EPHA6: variants seen among roughly 807,000 people sequenced by gnomAD.
The protein encoded by EPHA6 is ephrin type-A receptor 6.
In EPHA6, 50 loss-of-function variants were observed where a neutral mutation model predicts 112.0. That is an observed-to-expected ratio of 0.45 (90% CI 0.36 to 0.56). The LOEUF is 0.56. EPHA6 is among the 20% of genes least tolerant of loss of function. The pLI, the probability that EPHA6 is intolerant of heterozygous loss-of-function variation, is 0.00. For missense variants in EPHA6, 1,280 were observed against 1,417.4 expected (o/e 0.90, Z 1.56); for synonymous variants, 529 against 490.7 (o/e 1.08, Z -1.03).
At chr3:97,330,297 G>T (rs1341892313) in intron 5 of EPHA6, among the ~76,000 whole-genome samples, 1 of 152,110 alleles carries the variant, frequency 6.6e-6, no homozygotes, top group Non-Finnish European at 1.5e-5. Flanking sequence ...ACTTGGCAAT[G>T]TGGGCTCTTT....
At chr3:97,066,773 GTT>G (rs2046191267) in intron 3 of EPHA6, among the ~76,000 whole-genome samples, 1 of 152,104 alleles carries the variant, frequency 6.6e-6, no homozygotes, top group African/African-American at 2.4e-5. Flanking sequence ...CATTGTTGTT[GTT>G]TTAATGATGC....
At chr3:97,124,023 T>C (rs2048114797) in intron 3 of EPHA6, among the ~76,000 whole-genome samples, 1 of 152,176 alleles carries the variant, frequency 6.6e-6, no homozygotes, top group South Asian at 2.1e-4. Context: ...ATGGAATGCA[T>C]TTGTATCCTG....
At chr3:97,215,080 G>A (rs774820717) in intron 3 of EPHA6, among the ~76,000 whole-genome samples, 5 of 152,158 alleles carry the variant, frequency 3.3e-5, no homozygotes, top group Non-Finnish European at 5.9e-5. Flanking sequence ...AAAAGCAGTC[G>A]ATTATATTAA....
chr3:97,483,090 T>TA (rs1233738623), intron 9 of EPHA6, among the ~76,000 whole-genome samples: 2 of 152,072 alleles, frequency 1.3e-5, no homozygotes, highest in Non-Finnish European at 2.9e-5. Flanking sequence ...GCCATTTCTC[T>TA]AAAAAAAGCA....
intron 3 of EPHA6, among the ~76,000 whole-genome samples, chr3:97,054,961 C>A (rs1162530180): frequency 2.0e-5 from 3 of 151,974 alleles, no homozygotes; most frequent in Non-Finnish European, 2.9e-5. Flanking sequence ...AAAAATTTCC[C>A]CCCTTTGGGA....
Position 97,024,129 on chromosome 3 carries a change from A to T in EPHA6, c.1114+36136A>T, listed in dbSNP as rs996495958. Among the ~76,000 whole-genome samples the T allele has an allele frequency of 4.6e-5, 7 of 152,286 alleles. No homozygotes were observed. In the South Asian group the frequency reaches 1.5e-3, roughly 32 times the overall value. On this transcript the variant is annotated intron_variant, in intron 3 of 17. Transcript: ENST00000389672. ...AATATACCCTATGTTCCCATCTGTT[A>T]TTCTTACTCTATTGAGACCTAGTAT...
At chr3:97,466,442 ACTGT>A in intron 7 of EPHA6, 1 of 1,554,158 alleles carries the variant, frequency 6.4e-7, no homozygotes, top group Non-Finnish European at 8.9e-7. Context: ...AAGTGACAAA[ACTGT>A]ACTGGCTTAA....
intron 14 of EPHA6, chr3:97,648,145 C>A (rs1244947652): frequency 6.9e-6 from 3 of 433,064 alleles, no homozygotes; most frequent in East Asian, 6.9e-5. Context: ...TTATCCATGG[C>A]AAATTTTGGT....
chr3:97,033,704 G>A (rs928309105), intron 3 of EPHA6, among the ~76,000 whole-genome samples: 2 of 151,872 alleles, frequency 1.3e-5, no homozygotes, highest in African/African-American at 2.4e-5. Context: ...TTCCAAAAGT[G>A]AGAGACAAAT....
At chr3:97,227,101 A>G (rs2078380494) in intron 4 of EPHA6, among the ~76,000 whole-genome samples, 1 of 152,204 alleles carries the variant, frequency 6.6e-6, no homozygotes, top group Non-Finnish European at 1.5e-5. Context: ...ATATATTAAT[A>G]CATTGCTAAG....
At chr3:96,829,951 A>AG (rs2033935343) in intron 1 of EPHA6, among the ~76,000 whole-genome samples, 1 of 82,358 alleles carries the variant, frequency 1.2e-5, no homozygotes, top group Non-Finnish European at 2.5e-5. Context: ...GCGCGCGCGC[A>AG]CACACACACA....
chr3:97,220,157 C>A (rs2078149468), intron 3 of EPHA6, among the ~76,000 whole-genome samples: 1 of 152,218 alleles, frequency 6.6e-6, no homozygotes, highest in South Asian at 2.1e-4. Flanking sequence ...GTCCGTATCA[C>A]TATCAGCATT....
intron 3 of EPHA6, among the ~76,000 whole-genome samples, chr3:97,040,136 C>G (rs2045262267): frequency 6.6e-6 from 1 of 151,222 alleles, no homozygotes; most frequent in South Asian, 2.1e-4. Flanking sequence ...AGTAATTTTG[C>G]TATTTATTAC....
chr3:97,427,037 A>T (rs959051292), intron 6 of EPHA6, among the ~76,000 whole-genome samples: 1 of 152,180 alleles, frequency 6.6e-6, no homozygotes, highest in East Asian at 1.9e-4. Flanking sequence ...AAGACAAAAA[A>T]TAGCAGATAC....
intron 14 of EPHA6, among the ~76,000 whole-genome samples, chr3:97,669,663 A>AC (rs1225252860): frequency 2.0e-5 from 3 of 151,618 alleles, no homozygotes; most frequent in African/African-American, 7.3e-5. Flanking sequence ...TTTAACAGAC[A>AC]CCCCCCACTC....
chr3:97,567,556 A>G (rs2093283589), intron 11 of EPHA6, among the ~76,000 whole-genome samples: 2 of 152,144 alleles, frequency 1.3e-5, no homozygotes, highest in Non-Finnish European at 2.9e-5. Context: ...AATATGACCA[A>G]TGAAGTCCTA....
At chr3:97,505,496 T>C (rs2092226227) in intron 10 of EPHA6, among the ~76,000 whole-genome samples, 1 of 152,208 alleles carries the variant, frequency 6.6e-6, no homozygotes, top group Non-Finnish European at 1.5e-5. Context: ...GCTTCATCCA[T>C]GTCCCTGCAA....
intron 3 of EPHA6, among the ~76,000 whole-genome samples, chr3:97,172,749 A>G (rs1185773130): frequency 2.0e-5 from 3 of 151,980 alleles, no homozygotes; most frequent in Non-Finnish European, 2.9e-5. Context: ...TTAGAGATGT[A>G]CTTACTGTTG....
At chr3:96,875,764 C>T (rs1416506801) in intron 2 of EPHA6, among the ~76,000 whole-genome samples, 1 of 152,026 alleles carries the variant, frequency 6.6e-6, no homozygotes, top group Non-Finnish European at 1.5e-5. Context: ...CAAACACACA[C>T]ATCTTTAAAA....
Sources: allele counts gnomAD v4.1 joint callset (sites outside exome capture counted in the v4.1 genomes callset), GRCh38; gene constraint gnomAD v4.1.1; transcripts MANE v1.5; gene names NCBI Gene and HGNC (gene_info 2026-07-23, HGNC 2026-07-21).